FBXO42: variants seen among roughly 807,000 people sequenced by gnomAD.
FBXO42 encodes the protein F-box protein 42.
FBXO42 carries 12 observed loss-of-function variants against 71.7 expected under a neutral mutation model. The ratio of observed to expected loss-of-function variants is 0.17; its 90% CI spans 0.11 to 0.27. The LOEUF (loss-of-function observed/expected upper bound fraction) is 0.27, where lower values mean the gene tolerates loss of function less well. FBXO42 is among the 10% of genes least tolerant of loss of function. FBXO42 has a pLI of 1.00. For missense variants in FBXO42, 707 were observed against 911.9 expected (o/e 0.78, Z 2.89); for synonymous variants, 325 against 327.5 (o/e 0.99, Z 0.08).
At chr1:16,283,591 G>A (rs1162006147) in intron 4 of FBXO42, among the ~76,000 whole-genome samples, 4 of 138,038 alleles carry the variant, frequency 2.9e-5, no homozygotes, top group South Asian at 2.4e-4. Context: ...TCCACCTCCC[G>A]GGTTCAAGCA....
At chr1:16,291,948 A>G (rs1054932972) in intron 4 of FBXO42, among the ~76,000 whole-genome samples, 4 of 152,116 alleles carry the variant, frequency 2.6e-5, no homozygotes, top group Admixed American at 2.6e-4. Flanking sequence ...CTGGGATTAG[A>G]GGAGTGAGCC....
intron 4 of FBXO42, among the ~76,000 whole-genome samples, chr1:16,280,996 T>C (rs1326989097): frequency 6.6e-6 from 1 of 152,170 alleles, no homozygotes; most frequent in Admixed American, 6.6e-5. Flanking sequence ...AGTTTCACTG[T>C]TGTTGCCCAG....
chr1:16,339,317 T>C (rs1030247959), intron 1 of FBXO42, among the ~76,000 whole-genome samples: 2 of 152,028 alleles, frequency 1.3e-5, no homozygotes, highest in East Asian at 1.9e-4. Flanking sequence ...ATAGTTTTTT[T>C]GTTTTTGTTT....
intron 1 of FBXO42, among the ~76,000 whole-genome samples, chr1:16,316,122 T>C (rs1470614246): frequency 7.3e-6 from 1 of 137,230 alleles, no homozygotes; most frequent in Admixed American, 8.1e-5. Flanking sequence ...TGAGCCGAGA[T>C]CATGCCACTG....
In FBXO42 at chr1:16,315,164, A is replaced by C; in HGVS notation, c.250+5T>G. On this transcript the variant is annotated splice_donor_5th_base_variant and intron_variant, in intron 2 of 9. Coordinates refer to ENST00000375592, the MANE Select transcript of FBXO42 (RefSeq NM_018994.3). ...ATAAATAAACCTTTCTCCTATCCAC[A>C]GTACCTTTGATAAGTCGATACCACT... The C allele has an allele frequency of 6.2e-7, 1 of 1,605,222 alleles. No homozygotes were observed.
chr1:16,310,244 C>T (rs561669185), intron 2 of FBXO42, among the ~76,000 whole-genome samples: 4 of 151,676 alleles, frequency 2.6e-5, no homozygotes, highest in Non-Finnish European at 5.9e-5. Context: ...ACCTGTAATC[C>T]CAGCTACTTG....
chr1:16,253,213 C>T (rs2081609097), intron 7 of FBXO42, 61 bp from the exon 8 acceptor site: 2 of 1,478,452 alleles, frequency 1.4e-6, no homozygotes, highest in South Asian at 1.2e-5. Flanking sequence ...ACTTTCTATG[C>T]TTCACTGGTA....
chr1:16,311,087 G>GA (rs201457928), intron 2 of FBXO42, among the ~76,000 whole-genome samples: 8 of 96,798 alleles, frequency 8.3e-5, no homozygotes, highest in East Asian at 2.4e-4. Context: ...AACACTTTGG[G>GA]GAATGGCATG....
chr1:16,279,459 G>C (rs996458597), intron 4 of FBXO42, among the ~76,000 whole-genome samples: 24 of 152,152 alleles, frequency 1.6e-4, no homozygotes, highest in Admixed American at 5.9e-4. Flanking sequence ...CAAACAGGAA[G>C]AGATATCTTG....
intron 1 of FBXO42, among the ~76,000 whole-genome samples, chr1:16,325,206 C>A (rs1323607466): frequency 6.6e-6 from 1 of 152,056 alleles, no homozygotes; most frequent in East Asian, 1.9e-4. Context: ...CCACTGCACT[C>A]CAGCTTGGGC....
chr1:16,285,189 A>G (rs2100511143), intron 4 of FBXO42, among the ~76,000 whole-genome samples: 1 of 152,194 alleles, frequency 6.6e-6, no homozygotes, highest in Non-Finnish European at 1.5e-5. Context: ...TCTCAATTCT[A>G]CATCTACCTC....
chr1:16,334,438 A>C (rs940493675), intron 1 of FBXO42, among the ~76,000 whole-genome samples: 1 of 151,766 alleles, frequency 6.6e-6, no homozygotes, highest in Non-Finnish European at 1.5e-5. Context: ...AAAAAAAAAA[A>C]AACAGACTGA....
At chr1:16,268,685 C>T (rs1459500597) in intron 4 of FBXO42, among the ~76,000 whole-genome samples, 3 of 152,180 alleles carry the variant, frequency 2.0e-5, no homozygotes, top group South Asian at 2.1e-4. Flanking sequence ...ACAAAGAGGC[C>T]GGGCACAGCA....
At chr1:16,338,248 G>A (rs969119861) in intron 1 of FBXO42, among the ~76,000 whole-genome samples, 4 of 147,136 alleles carry the variant, frequency 2.7e-5, no homozygotes, top group African/African-American at 7.4e-5. Context: ...ACAACAGAGC[G>A]AGACTCCATC....
At chr1:16,317,760 C>CA (rs2082380952) in intron 1 of FBXO42, among the ~76,000 whole-genome samples, 1 of 151,426 alleles carries the variant, frequency 6.6e-6, no homozygotes, top group Non-Finnish European at 1.5e-5. Context: ...ACCATCTCTA[C>CA]AAAAAAATAA....
intron 3 of FBXO42, among the ~76,000 whole-genome samples, chr1:16,303,654 G>A (rs767320463): frequency 9.3e-5 from 14 of 151,248 alleles, no homozygotes; most frequent in Admixed American, 4.0e-4. Flanking sequence ...TGCAACCTCC[G>A]CCTCCCGGGT....
In FBXO42 at chr1:16,286,278, A is replaced by G. The variant is rs140393713; in HGVS notation, c.502+8505T>C. 3.3e-3 allele frequency among the ~76,000 whole-genome samples: 498 copies of G among 152,282 alleles called. 16 individuals are homozygous for G. Among genetic ancestry groups the G allele is most frequent in the East Asian group, 1.7e-3 (9 of 5,186 alleles). On this transcript the variant is annotated intron_variant, in intron 4 of 9. Transcript: ENST00000375592. The stretch of plus-strand genomic sequence containing the variant: ...TCACAGTGCTATGAAGAAATACCCA[A>G]GACTGAGTAATTTATAAAGGAAAGA...
At chr1:16,258,577 G>A (rs562666224) in intron 4 of FBXO42, among the ~76,000 whole-genome samples, 7 of 152,088 alleles carry the variant, frequency 4.6e-5, no homozygotes, top group Non-Finnish European at 1.0e-4. Context: ...GACTGGTCTC[G>A]AACTCATGGG....
chr1:16,270,708 A>AAAAAG (rs1553150226), intron 4 of FBXO42, among the ~76,000 whole-genome samples: 2 of 85,168 alleles, frequency 2.3e-5, no homozygotes, highest in Admixed American at 1.4e-4. Flanking sequence ...AAAAGAAAAG[A>AAAAAG]AAGAAGAAAA....
Sources: gnomAD v4.1 joint callset for allele counts (sites outside exome capture counted in the v4.1 genomes callset) on GRCh38, gnomAD v4.1.1 for gene constraint, MANE v1.5 for transcripts, NCBI Gene and HGNC (gene_info 2026-07-23, HGNC 2026-07-21) for gene names.